ZNF112: variants seen among roughly 807,000 people sequenced by gnomAD.
ZNF112 encodes the protein zinc finger protein 112 (Y14).
ZNF112 carries 37 observed loss-of-function variants against 77.7 expected under a neutral mutation model. The ratio of observed to expected loss-of-function variants is 0.48; its 90% CI spans 0.37 to 0.63. ZNF112 has a LOEUF of 0.63. Among genes scored for constraint, ZNF112 ranks in the 20% least tolerant of loss-of-function variants. ZNF112 has a pLI of 0.00. For synonymous variants in ZNF112, 333 were observed against 363.6 expected (o/e 0.92, Z 0.96); for missense variants, 950 against 1,077.4 (o/e 0.88, Z 1.66).
At position 44,342,021 on chromosome 19, in the gene ZNF112, T is replaced by C. The variant is rs566632059; in HGVS notation, c.-3-1479A>G. 2.3e-3 allele frequency among the ~76,000 whole-genome samples: 349 copies of C among 152,134 alleles called. 2 individuals are homozygous for C. Among genetic ancestry groups the C allele is most frequent in the African/African-American group, 8.0e-3 (332 of 41,506 alleles). On this transcript the variant is annotated intron_variant, in intron 1 of 3. Coordinates refer to ENST00000354340, the MANE Select transcript of ZNF112 (RefSeq NM_013380.4). ...TGTATGAACATGAACCTCTTAACAG[T>C]GCAAACGACTCTACAGTTCCCCTCC...
At chr19:44,358,860 C>T (rs1005971690), upstream of ZNF112, among the ~76,000 whole-genome samples, 9 of 152,096 alleles carry the variant, frequency 5.9e-5, no homozygotes, top group African/African-American at 1.9e-4. Context: ...CAATCTTTCC[C>T]GACCTCCACA....
At chr19:44,367,099 T>C (rs1032849214) in exon 1 of ZNF112, 21 of 456,032 alleles carry the variant, frequency 4.6e-5, no homozygotes, top group Non-Finnish European at 7.9e-5. Flanking sequence ...CAACCCCATC[T>C]TCCACTGCTA....
chr19:44,340,866 A>T (rs1002418248), intron 1 of ZNF112, among the ~76,000 whole-genome samples: 2 of 152,198 alleles, frequency 1.3e-5, no homozygotes, highest in Admixed American at 6.5e-5. Flanking sequence ...GACTGATGCT[A>T]CCTGTTTCTC....
At chr19:44,366,762 T>C (rs1446716991) in intron 1 of ZNF112, among the ~76,000 whole-genome samples, 1 of 150,970 alleles carries the variant, frequency 6.6e-6, no homozygotes, top group East Asian at 2.0e-4. Context: ...CCCAGGCTCA[T>C]AGAAGCTTTC....
intron 1 of ZNF112, among the ~76,000 whole-genome samples, chr19:44,341,730 C>A (rs1030507273): frequency 6.6e-6 from 1 of 152,182 alleles, no homozygotes; most frequent in South Asian, 2.1e-4. Flanking sequence ...GAGGTCTTTT[C>A]TTCCATGGAC....
upstream of ZNF112, among the ~76,000 whole-genome samples, chr19:44,358,568 C>T (rs1970822048): frequency 6.6e-6 from 1 of 152,174 alleles, no homozygotes; most frequent in Non-Finnish European, 1.5e-5. Context: ...AGCTCTGCAG[C>T]ACTTTTGACA....
chr19:44,328,349 T>C lies in ZNF112; in HGVS notation c.1808A>G (p.Tyr603Cys), dbSNP rs934682779. 5.6e-6 allele frequency: 9 copies of C among 1,613,976 alleles called. No individual in the cohort carries two copies. Among genetic ancestry groups the C allele is most frequent in the Non-Finnish European group, 7.6e-6 (9 of 1,179,958 alleles). Residue 603 changes from tyrosine to cysteine, a missense_variant, in exon 4 of 4, where the codon TAC (tyrosine) becomes TGC (cysteine). By Grantham distance (194) the Tyr-to-Cys change is radical. This residue lies in a region of ZNF112 where 373 missense variants were observed against 482.8 expected (regional missense o/e 0.77). Coordinates refer to ENST00000354340, the MANE Select transcript of ZNF112 (RefSeq NM_013380.4). Reference sequence around the variant, plus strand: ...GCCCTTCCCACACTCCTCACACTTGTATGGTTTTTCTCCAGTGTGAACTCT... The same window carrying C: ...GCCCTTCCCACACTCCTCACACTTGCATGGTTTTTCTCCAGTGTGAACTCT... Reference protein sequence around the residue: ...HQRVHTGEKPYKCEECGKGFS... With the variant: ...HQRVHTGEKPCKCEECGKGFS...
chr19:44,359,269 C>T (rs1157245909), upstream of ZNF112, among the ~76,000 whole-genome samples: 1 of 145,492 alleles, frequency 6.9e-6, no homozygotes, highest in Non-Finnish European at 1.5e-5. Context: ...CTGCTTGCTG[C>T]AGTTGCTATT....
In ZNF112 at chr19:44,327,413, T is replaced by C. The variant is rs752044676; in HGVS notation, c.*20A>G. 6 of 1,542,710 alleles carry C rather than the reference T, an allele frequency of 3.9e-6. No individual in the cohort carries two copies. Among genetic ancestry groups the C allele is most frequent in the Non-Finnish European group, 5.2e-6 (6 of 1,146,680 alleles). On this transcript the variant is annotated 3_prime_UTR_variant, in exon 4 of 4. Transcript: ENST00000354340. ...AAAGAACTCTAGTGACTGGAAAATT[T>C]CAGCTCCCATTTGAGGACTTCAAAA...
rs182308262 is a variant in ZNF112 at position 44,342,544 on chromosome 19, C to T, written c.-3-2002G>A. On this transcript the variant is annotated intron_variant, in intron 1 of 3. Transcript: ENST00000354340. ...ATAATTTAAAGAAAAGGGCCGGGCACGGTGGCTCACGCCTGTAATCCCAGC... is the reference window on the plus strand; with the variant it reads ...ATAATTTAAAGAAAAGGGCCGGGCATGGTGGCTCACGCCTGTAATCCCAGC... Among the ~76,000 whole-genome samples the T allele has an allele frequency of 1.2e-3, 178 of 152,236 alleles. 2 individuals carry two copies. Among genetic ancestry groups the T allele is most frequent in the Middle Eastern group, 0.01 (3 of 294 alleles).
upstream of ZNF112, among the ~76,000 whole-genome samples, chr19:44,358,398 G>T (rs2123223999): frequency 6.6e-6 from 1 of 152,306 alleles, no homozygotes; most frequent in East Asian, 1.9e-4. Context: ...ACATCTGGCA[G>T]AGGAAAGATG....
intron 1 of ZNF112, among the ~76,000 whole-genome samples, chr19:44,347,578 G>T: frequency 7.0e-6 from 1 of 142,078 alleles, no homozygotes; most frequent in Non-Finnish European, 1.5e-5. Flanking sequence ...GGTTGCTCTA[G>T]GGTTGTAATA....
Position 44,336,699 on chromosome 19 carries a change from T to C in ZNF112, c.144A>G (p.Pro48=), listed in dbSNP as rs1006856864. Residue 48 remains proline (P), a synonymous_variant, in exon 3 of 4, where the codon CCA becomes CCG. Transcript: ENST00000354340. Reference sequence around the variant, plus strand: ...CTCTCTCCAGCTGGGATATTAGGTCTGGCTTGAAGGGCTGATGTGCTGTAA... The same window carrying C: ...CTCTCTCCAGCTGGGATATTAGGTCCGGCTTGAAGGGCTGATGTGCTGTAA... ...LLLVAHQPFK[P]DLISQLEREE... is the part of the protein sequence containing the mutation. The C allele has an allele frequency of 6.2e-7, 1 of 1,613,994 alleles. No homozygotes were observed. Among genetic ancestry groups the C allele is most frequent in the Non-Finnish European group, 8.5e-7 (1 of 1,179,952 alleles).
intron 1 of ZNF112, among the ~76,000 whole-genome samples, chr19:44,362,208 A>C (rs1167490875): frequency 6.6e-6 from 1 of 152,096 alleles, no homozygotes; most frequent in Admixed American, 6.6e-5. Context: ...TATTGGAAGG[A>C]GGAGAAGAAG....
At chr19:44,358,020 C>T (rs570660556), upstream of ZNF112, among the ~76,000 whole-genome samples, 142 of 152,094 alleles carry the variant, frequency 9.3e-4, no homozygotes, top group Non-Finnish European at 1.3e-3. Flanking sequence ...GGCGTGGTGG[C>T]GGGCACCTGT....
intron 1 of ZNF112, among the ~76,000 whole-genome samples, chr19:44,344,937 C>A (rs1307207230): frequency 1.3e-5 from 2 of 152,158 alleles, no homozygotes; most frequent in Non-Finnish European, 2.9e-5. Context: ...GAAGTTGGGA[C>A]AATTTGTAAC....
chr19:44,331,608 A>G (rs1970271497), intron 3 of ZNF112, among the ~76,000 whole-genome samples: 2 of 152,174 alleles, frequency 1.3e-5, no homozygotes, highest in Admixed American at 6.5e-5. Context: ...ACCCTCAAAC[A>G]TAATTCTGCC....
intron 2 of ZNF112, among the ~76,000 whole-genome samples, 159 bp from the exon 3 acceptor site, chr19:44,336,877 C>CTT (rs113034578): frequency 7.0e-6 from 1 of 143,450 alleles, no homozygotes; most frequent in Admixed American, 7.0e-5. Flanking sequence ...TCATGATTTT[C>CTT]TTTTTTTTTT....
chr19:44,336,551 G>T, intron 3 of ZNF112, 72 bp downstream of exon 3: 2 of 1,291,900 alleles, frequency 1.5e-6, no homozygotes, highest in Non-Finnish European at 2.2e-6. Flanking sequence ...CTTAAACAGA[G>T]AAGTGATGTG....
Sources: gnomAD v4.1 joint callset for allele counts (sites outside exome capture counted in the v4.1 genomes callset) on GRCh38, gnomAD v4.1.1 for gene constraint, gnomAD v4.1.1 regional missense constraint, MANE v1.5 for transcripts, NCBI Gene and HGNC (gene_info 2026-07-23, HGNC 2026-07-21) for gene names.